The following PID1 variants were observed in gnomAD, a reference collection of about 807,000 sequenced individuals.
PID1 encodes the protein phosphotyrosine interaction domain containing 1.
A neutral mutation model predicts 19.1 loss-of-function variants in PID1; 10 were observed. The observed-to-expected ratio is 0.52, with a 90% confidence interval of 0.32 to 0.89. The LOEUF is 0.89. Among genes scored for constraint, PID1 ranks in the 40% least tolerant of loss-of-function variants. The probability of loss-of-function intolerance (pLI) is 0.03; values close to 1 mark genes in which losing one functional copy is unlikely to be tolerated. For synonymous variants in PID1, 130 were observed against 116.0 expected, an observed-to-expected ratio of 1.12 and a Z score of -0.78; for missense variants, 248 against 285.3, an observed-to-expected ratio of 0.87 and a Z score of 0.94.
chr2:229,170,374 C>T (rs1379136108), intron 1 of PID1, among the ~76,000 whole-genome samples: 3 of 152,070 alleles, frequency 2.0e-5, no homozygotes, highest in Non-Finnish European at 4.4e-5. Context: ...CGTCAGAGCC[C>T]AGATTCTCTA....
chr2:229,188,737 C>T (rs1691188387), intron 1 of PID1, among the ~76,000 whole-genome samples: 1 of 23,248 alleles, frequency 4.3e-5, no homozygotes, highest in African/African-American at 1.8e-4. Context: ...GAAACTCCAC[C>T]TCAAAAAAAA....
chr2:229,072,881 G>T (rs1055821101), intron 2 of PID1, among the ~76,000 whole-genome samples: 1 of 152,170 alleles, frequency 6.6e-6, no homozygotes, highest in African/African-American at 2.4e-5. Context: ...AGGTGTTAGA[G>T]TGCTTGTGAA....
chr2:229,243,762 A>ATC (rs1689933543), intron 1 of PID1, among the ~76,000 whole-genome samples: 1 of 152,136 alleles, frequency 6.6e-6, no homozygotes, highest in African/African-American at 2.4e-5. Context: ...CTTAGTATTA[A>ATC]TCTCAATCAT....
At chr2:229,071,867 G>T (rs1438746127) in intron 2 of PID1, among the ~76,000 whole-genome samples, 1 of 152,154 alleles carries the variant, frequency 6.6e-6, no homozygotes, top group Non-Finnish European at 1.5e-5. Flanking sequence ...TTTTGAAATA[G>T]AAATCTTTGT....
intron 2 of PID1, among the ~76,000 whole-genome samples, chr2:229,074,305 AG>A (rs1425778388): frequency 6.6e-6 from 1 of 152,156 alleles, no homozygotes; most frequent in Non-Finnish European, 1.5e-5. Flanking sequence ...ATATACTTCA[AG>A]AAATTAACAT....
intron 2 of PID1, among the ~76,000 whole-genome samples, chr2:229,088,205 C>T (rs34896480): frequency 0.14 from 21,065 of 152,168 alleles, 2,382 homozygotes; most frequent in African/African-American, 0.31. Context: ...TCCTTATGAA[C>T]GGACAGGCAC....
chr2:229,237,096 T>C lies in PID1; in HGVS notation c.30+33918A>G, dbSNP rs549275181. The stretch of plus-strand genomic sequence containing the variant: ...AAAATATTACTCCATATTAAGAAAT[T>C]AAAACAAACAGAGGAACTACATGAT... On this transcript the variant is annotated intron_variant, in intron 1 of 2. Coordinates refer to ENST00000392055, the MANE Select transcript of PID1 (RefSeq NM_001100818.2). 3.3e-5 allele frequency among the ~76,000 whole-genome samples: 5 copies of C among 151,190 alleles called. No homozygotes were observed. The South Asian group carries it at 1.0e-3, about 32-fold the overall frequency.
intron 1 of PID1, among the ~76,000 whole-genome samples, chr2:229,175,862 T>A (rs536724794): frequency 6.6e-6 from 1 of 152,184 alleles, no homozygotes; most frequent in African/African-American, 2.4e-5. Flanking sequence ...AACCTAAACA[T>A]AGACTACGCA....
intron 2 of PID1, among the ~76,000 whole-genome samples, chr2:229,068,100 A>G (rs1694369121): frequency 6.6e-6 from 1 of 152,202 alleles, no homozygotes. Context: ...AAACTTGGAC[A>G]CCAGGGTCTG....
chr2:229,205,245 T>C (rs1420393748), intron 1 of PID1, among the ~76,000 whole-genome samples: 1 of 138,580 alleles, frequency 7.2e-6, no homozygotes, highest in Non-Finnish European at 1.6e-5. Context: ...ACATACTACA[T>C]ACACACACAT....
At chr2:229,121,499 T>C (rs143761365) in intron 2 of PID1, among the ~76,000 whole-genome samples, 1 of 152,334 alleles carries the variant, frequency 6.6e-6, no homozygotes, top group African/African-American at 2.4e-5. Flanking sequence ...CTTCGTGACT[T>C]GGGACCTCAG....
chr2:229,204,883 C>T (rs957747346), intron 1 of PID1, among the ~76,000 whole-genome samples: 2 of 152,032 alleles, frequency 1.3e-5, no homozygotes, highest in South Asian at 2.1e-4. Flanking sequence ...TGCTACTATT[C>T]TCTAGGTCAG....
In PID1 at chr2:229,271,196, C is replaced by T; in HGVS notation, c.-153G>A. The T allele has an allele frequency of 9.3e-6, 7 of 751,232 alleles. No individual in the cohort carries two copies. Among genetic ancestry groups the T allele is most frequent in the Non-Finnish European group, 1.4e-5 (7 of 488,166 alleles). The allele number at this position is 751,232 out of a possible 1,614,324, so 46.5% of individuals were successfully genotyped here. The stretch of plus-strand genomic sequence containing the variant: ...ACCGCCGCCGGGTGGGCGTAGGGGG[C>T]TGCGAGCAGGAGGAGGCGCGGCGCT... On this transcript the variant is annotated 5_prime_UTR_variant, in exon 1 of 3. Coordinates refer to ENST00000392055, the MANE Select transcript of PID1 (RefSeq NM_001100818.2).
chr2:229,030,606 T>G (rs1206226793), intron 2 of PID1, among the ~76,000 whole-genome samples: 1 of 152,024 alleles, frequency 6.6e-6, no homozygotes, highest in Non-Finnish European at 1.5e-5. Flanking sequence ...TCTGATATTT[T>G]TCTAAAAATT....
chr2:229,150,378 G>C (rs1690226654), intron 2 of PID1, among the ~76,000 whole-genome samples: 1 of 152,054 alleles, frequency 6.6e-6, no homozygotes, highest in East Asian at 1.9e-4. Context: ...CAACCCTCAG[G>C]GCTGACCTCA....
chr2:229,214,978 C>A (rs1691815600), intron 1 of PID1, among the ~76,000 whole-genome samples: 1 of 152,116 alleles, frequency 6.6e-6, no homozygotes, highest in Admixed American at 6.5e-5. Flanking sequence ...TCCCCCCTTT[C>A]TCTCTCTCTC....
intron 1 of PID1, among the ~76,000 whole-genome samples, chr2:229,236,976 TTACACACACA>T (rs201628516): frequency 0.014 from 1,160 of 81,570 alleles, 9 homozygotes; most frequent in Admixed American, 0.027. Context: ...GCCTTCTCCT[TTACACACACA>T]TACACACACA....
intron 2 of PID1, among the ~76,000 whole-genome samples, chr2:229,038,651 G>A (rs527314809): frequency 1.4e-4 from 22 of 152,244 alleles, no homozygotes; most frequent in African/African-American, 4.3e-4. Flanking sequence ...ACTTAAAGAT[G>A]TATTGTTACA....
chr2:229,219,402 C>T (rs1691915801), intron 1 of PID1, among the ~76,000 whole-genome samples: 1 of 152,222 alleles, frequency 6.6e-6, no homozygotes, highest in African/African-American at 2.4e-5. Flanking sequence ...CTTATAAAAC[C>T]ATCAGATGTT....
Sources: gnomAD v4.1 joint callset for allele counts (sites outside exome capture counted in the v4.1 genomes callset) on GRCh38, gnomAD v4.1.1 for gene constraint, MANE v1.5 for transcripts, NCBI Gene and HGNC (gene_info 2026-07-23, HGNC 2026-07-21) for gene names.